ENTREP2: variants seen among roughly 807,000 people sequenced by gnomAD.
ENTREP2 encodes endosomal transmembrane epsin interactor 2, also known as protein ENTREP2.
At chr15:29,151,905 C>T in the ENTREP2 span, 4 of 1,240,806 alleles carry the variant, frequency 3.2e-6, no homozygotes, top group Admixed American at 9.1e-5. Context: ...ATCCTTAGCC[C>T]TCCTGCCAGG....
At chr15:29,527,497 T>C in the ENTREP2 span, among the ~76,000 whole-genome samples, 1 of 152,182 alleles carries the variant, frequency 6.6e-6, no homozygotes, top group African/African-American at 2.4e-5. Context: ...CTCAGGTATT[T>C]CACAAAATCC....
chr15:29,608,486 G>A, the ENTREP2 span, among the ~76,000 whole-genome samples: 2 of 150,880 alleles, frequency 1.3e-5, no homozygotes, highest in Non-Finnish European at 3.0e-5. Context: ...CTAGGGGCTC[G>A]ACTGCTCCTG....
the ENTREP2 span, among the ~76,000 whole-genome samples, chr15:29,381,092 T>C: frequency 6.8e-6 from 1 of 147,392 alleles, no homozygotes; most frequent in South Asian, 2.3e-4. Context: ...ACTCATTATC[T>C]GCCCGCCTCG....
chr15:29,367,637 G>T, the ENTREP2 span, among the ~76,000 whole-genome samples: 1 of 152,152 alleles, frequency 6.6e-6, no homozygotes, highest in African/African-American at 2.4e-5. Flanking sequence ...GCCCAGGAAA[G>T]CCCTGAGAAG....
At chr15:29,564,751 C>A in the ENTREP2 span, among the ~76,000 whole-genome samples, 3 of 152,178 alleles carry the variant, frequency 2.0e-5, no homozygotes, top group Non-Finnish European at 2.9e-5. Context: ...GAGGCCACTG[C>A]GGCTCTTCTC....
the ENTREP2 span, among the ~76,000 whole-genome samples, chr15:29,302,176 G>GA: frequency 6.6e-6 from 1 of 151,984 alleles, no homozygotes; most frequent in Non-Finnish European, 1.5e-5. Context: ...CAGTCGAGTG[G>GA]AAGCTTCTCT....
the ENTREP2 span, among the ~76,000 whole-genome samples, chr15:29,276,049 A>G: frequency 1.3e-5 from 2 of 152,256 alleles, no homozygotes; most frequent in African/African-American, 4.8e-5. Context: ...ATATTCATTC[A>G]TAGCAAAGAT....
chr15:29,393,003 C>A, the ENTREP2 span, among the ~76,000 whole-genome samples: 1 of 152,188 alleles, frequency 6.6e-6, no homozygotes, highest in African/African-American at 2.4e-5. Context: ...TCTAGAAATT[C>A]TTTTATTTCC....
At chr15:29,311,591 G>A in the ENTREP2 span, among the ~76,000 whole-genome samples, 1 of 152,158 alleles carries the variant, frequency 6.6e-6, no homozygotes, top group African/African-American at 2.4e-5. Context: ...TCAGGAGGCT[G>A]AGGCAGGAGA....
At chr15:29,615,159 C>CTTT in the ENTREP2 span, among the ~76,000 whole-genome samples, 1 of 142,308 alleles carries the variant, frequency 7.0e-6, no homozygotes. Context: ...ATTTTTTTTT[C>CTTT]TTTTTTTTTT....
the ENTREP2 span, among the ~76,000 whole-genome samples, chr15:29,451,227 C>T: frequency 5.3e-5 from 8 of 152,144 alleles, no homozygotes; most frequent in East Asian, 3.9e-4. Context: ...AAGAGTGCCC[C>T]GGTCTCCCTG....
At chr15:29,590,767 T>C in the ENTREP2 span, among the ~76,000 whole-genome samples, 1 of 149,984 alleles carries the variant, frequency 6.7e-6, no homozygotes, top group Non-Finnish European at 1.5e-5. Context: ...TTTTACATGA[T>C]TGATATAATG....
At chr15:29,659,609 T>TA in the ENTREP2 span, among the ~76,000 whole-genome samples, 3 of 152,182 alleles carry the variant, frequency 2.0e-5, no homozygotes, top group African/African-American at 7.2e-5. Flanking sequence ...TCCCTAAAGG[T>TA]AACTACTATC....
chr15:29,196,209 C>T, the ENTREP2 span, among the ~76,000 whole-genome samples: 1 of 152,114 alleles, frequency 6.6e-6, no homozygotes, highest in Admixed American at 6.5e-5. Context: ...AGAGGTAGGA[C>T]AATGAAATGG....
At chr15:29,145,012 A>T in the ENTREP2 span, among the ~76,000 whole-genome samples, 1 of 152,150 alleles carries the variant, frequency 6.6e-6, no homozygotes, top group Non-Finnish European at 1.5e-5. Flanking sequence ...GCTGAGATCA[A>T]GCCACTGCAC....
chr15:29,629,905 C>T, the ENTREP2 span, among the ~76,000 whole-genome samples: 1 of 152,006 alleles, frequency 6.6e-6, no homozygotes, highest in Non-Finnish European at 1.5e-5. Context: ...TCACTTGGGG[C>T]CAGGAATTCG....
the ENTREP2 span, chr15:29,151,753 G>A: frequency 6.4e-7 from 1 of 1,551,752 alleles, no homozygotes; most frequent in East Asian, 2.4e-5. Flanking sequence ...GACATCGGAG[G>A]AGACCATCTG....
the ENTREP2 span, among the ~76,000 whole-genome samples, chr15:29,476,499 C>T: frequency 1.3e-5 from 2 of 152,182 alleles, no homozygotes; most frequent in Non-Finnish European, 2.9e-5. Context: ...CAGCATGGGG[C>T]CCACAAAGAG....
the ENTREP2 span, among the ~76,000 whole-genome samples, chr15:29,319,024 C>G: frequency 0.09 from 13,636 of 152,170 alleles, 694 homozygotes; most frequent in Admixed American, 0.13. Context: ...CCTAAAGTAC[C>G]TACTCTATTC....
Sources: allele counts gnomAD v4.1 joint callset (sites outside exome capture counted in the v4.1 genomes callset), GRCh38; gene constraint gnomAD v4.1.1; transcripts MANE v1.5; gene names NCBI Gene and HGNC (gene_info 2026-07-23, HGNC 2026-07-21).